The following ARHGAP10 variants were observed in gnomAD, a reference collection of about 807,000 sequenced individuals.
ARHGAP10 encodes the protein rho GTPase-activating protein 10.
In ARHGAP10, 87 loss-of-function variants were observed where a neutral mutation model predicts 108.6. The ratio of observed to expected loss-of-function variants is 0.80; its 90% CI spans 0.67 to 0.96. The LOEUF is 0.96. ARHGAP10 is among the 40% of genes least tolerant of loss of function. The pLI is 0.00. For missense variants in ARHGAP10, 939 were observed against 954.5 expected, an observed-to-expected ratio of 0.98 and a Z score of 0.21; for synonymous variants, 347 against 341.1, an observed-to-expected ratio of 1.02 and a Z score of -0.19.
intron 7 of ARHGAP10, among the ~76,000 whole-genome samples, chr4:147,868,683 G>A (rs1267891438): frequency 6.6e-6 from 1 of 152,176 alleles, no homozygotes; most frequent in African/African-American, 2.4e-5. Context: ...CAGTGGGGGT[G>A]GGAGAAGGTA....
chr4:147,963,992 T>A (rs1179152226), intron 16 of ARHGAP10, among the ~76,000 whole-genome samples: 2 of 152,210 alleles, frequency 1.3e-5, no homozygotes, highest in African/African-American at 4.8e-5. Context: ...CTGCAACAGC[T>A]CTCTTCCCAA....
intron 18 of ARHGAP10, among the ~76,000 whole-genome samples, chr4:147,998,283 A>C (rs934982197): frequency 6.6e-6 from 1 of 152,062 alleles, no homozygotes; most frequent in Non-Finnish European, 1.5e-5. Flanking sequence ...GAAATAATAG[A>C]TATACAGTGC....
chr4:147,795,805 C>T (rs1027932207), intron 1 of ARHGAP10, among the ~76,000 whole-genome samples: 1 of 151,668 alleles, frequency 6.6e-6, no homozygotes, highest in Admixed American at 6.6e-5. Context: ...AGCTATTCTC[C>T]TGCCTCAGCC....
At chr4:147,953,394 C>T (rs1347596271) in intron 15 of ARHGAP10, among the ~76,000 whole-genome samples, 3 of 151,936 alleles carry the variant, frequency 2.0e-5, no homozygotes, top group Non-Finnish European at 4.4e-5. Context: ...CATCATCTGG[C>T]CCTAGAGTTT....
At chr4:147,865,084 A>T in intron 6 of ARHGAP10, 128 bp downstream of exon 6, 1 of 782,812 alleles carries the variant, frequency 1.3e-6, no homozygotes, top group Non-Finnish European at 2.0e-6. Context: ...AGACATATTA[A>T]AAAGGGCAGA....
intron 1 of ARHGAP10, among the ~76,000 whole-genome samples, chr4:147,754,373 G>A (rs960188680): frequency 6.6e-6 from 1 of 152,170 alleles, no homozygotes; most frequent in Non-Finnish European, 1.5e-5. Context: ...GGTGAAAGGG[G>A]CTAGAAAGCT....
At chr4:147,915,306 T>C (rs569369992) in intron 13 of ARHGAP10, among the ~76,000 whole-genome samples, 8 of 152,232 alleles carry the variant, frequency 5.3e-5, no homozygotes, top group Non-Finnish European at 1.2e-4. Context: ...GAGCTGGCAA[T>C]TTGTTTCTTA....
intron 11 of ARHGAP10, among the ~76,000 whole-genome samples, chr4:147,908,437 A>G (rs995412923): frequency 6.6e-6 from 1 of 152,218 alleles, no homozygotes; most frequent in African/African-American, 2.4e-5. Flanking sequence ...CAAGACGTAT[A>G]TAACCTCTCT....
intron 1 of ARHGAP10, among the ~76,000 whole-genome samples, chr4:147,814,477 C>T (rs773694298): frequency 2.0e-5 from 3 of 152,118 alleles, no homozygotes; most frequent in African/African-American, 2.4e-5. Flanking sequence ...GCGAGATGAA[C>T]ACCTGACAGC....
chr4:147,829,235 G>C (rs193027343), intron 3 of ARHGAP10, among the ~76,000 whole-genome samples: 17 of 152,026 alleles, frequency 1.1e-4, no homozygotes, highest in Non-Finnish European at 2.5e-4. Context: ...TGTATTTTTA[G>C]TAGAGACAGG....
At chr4:147,753,518 G>GT (rs11449935) in intron 1 of ARHGAP10, among the ~76,000 whole-genome samples, 38,094 of 139,016 alleles carry the variant, frequency 0.27, 6,687 homozygotes, top group African/African-American at 0.51. Flanking sequence ...TAATTTTTTG[G>GT]TTTTTTTTTT....
At chr4:147,891,990 C>T (rs535608395) in intron 10 of ARHGAP10, among the ~76,000 whole-genome samples, 34 of 152,240 alleles carry the variant, frequency 2.2e-4, no homozygotes, top group Middle Eastern at 3.4e-3. Flanking sequence ...AATAATTACC[C>T]GTTCTGTGAA....
chr4:148,046,220 A>G (rs1728875766), intron 19 of ARHGAP10, among the ~76,000 whole-genome samples: 2 of 152,360 alleles, frequency 1.3e-5, no homozygotes, highest in South Asian at 2.1e-4. Flanking sequence ...TATACTAAAC[A>G]TATTTAATAA....
chr4:148,001,921 A>T (rs1232061442), intron 18 of ARHGAP10, among the ~76,000 whole-genome samples: 3 of 152,110 alleles, frequency 2.0e-5, no homozygotes, highest in Non-Finnish European at 4.4e-5. Context: ...CTCCTGCCTG[A>T]TTGCCCTGGC....
intron 1 of ARHGAP10, among the ~76,000 whole-genome samples, chr4:147,758,402 A>G (rs1010959052): frequency 1.3e-5 from 2 of 152,322 alleles, no homozygotes; most frequent in Non-Finnish European, 2.9e-5. Flanking sequence ...TTTAAAATGT[A>G]TAATCAATGG....
At chr4:147,913,780 A>T (rs1016086570) in intron 13 of ARHGAP10, among the ~76,000 whole-genome samples, 2 of 152,146 alleles carry the variant, frequency 1.3e-5, no homozygotes, top group African/African-American at 4.8e-5. Flanking sequence ...GCAGTGATGT[A>T]CAACTCATCG....
At chr4:147,932,460 A>C (rs1037825792) in intron 13 of ARHGAP10, among the ~76,000 whole-genome samples, 7 of 152,250 alleles carry the variant, frequency 4.6e-5, no homozygotes, top group African/African-American at 1.7e-4. Context: ...ATACCATGGA[A>C]TACTATGCAG....
At chr4:147,987,936 T>C (rs578140929) in intron 18 of ARHGAP10, among the ~76,000 whole-genome samples, 36 of 152,348 alleles carry the variant, frequency 2.4e-4, no homozygotes, top group African/African-American at 8.7e-4. Flanking sequence ...AAATCCACTT[T>C]TACTTATGCC....
chr4:147,796,110 T>A (rs1207842593), intron 1 of ARHGAP10, among the ~76,000 whole-genome samples: 1 of 152,206 alleles, frequency 6.6e-6, no homozygotes, highest in Non-Finnish European at 1.5e-5. Context: ...TTTCCCCCCC[T>A]TCTTGTAGTA....
Sources: allele counts gnomAD v4.1 joint callset (sites outside exome capture counted in the v4.1 genomes callset), GRCh38; gene constraint gnomAD v4.1.1; transcripts MANE v1.5; gene names NCBI Gene and HGNC (gene_info 2026-07-23, HGNC 2026-07-21).